The following RIMS2 variants were observed in gnomAD, a reference collection of about 807,000 sequenced individuals.
RIMS2 encodes the protein regulating synaptic membrane exocytosis protein 2.
In RIMS2, 59 loss-of-function variants were observed where a neutral mutation model predicts 174.4. The ratio of observed to expected loss-of-function variants is 0.34; its 90% CI spans 0.27 to 0.42. The LOEUF is 0.42. Ranked by LOEUF, RIMS2 falls within the 10% of genes least tolerant of loss-of-function variation. RIMS2 has a pLI of 1.00. For missense variants in RIMS2, 1,620 were observed against 1,666.3 expected, an observed-to-expected ratio of 0.97 and a Z score of 0.48; for synonymous variants, 606 against 572.5, an observed-to-expected ratio of 1.06 and a Z score of -0.84.
rs554949027 is a variant in RIMS2 at position 103,737,175 on chromosome 8, CTTTTTTTTT to C, written c.388-29034_388-29026del. On this transcript the variant is annotated intron_variant, in intron 2 of 23. Coordinates refer to ENST00000504942, the Ensembl canonical transcript of RIMS2. ...TCCTTTTCTTTTCTTTTTCTTTGTT[CTTTTTTTTT>C]TTTTTTTTTTTTTTTTTGAGACAGA... 5.9e-5 allele frequency among the ~76,000 whole-genome samples: 4 copies of C among 67,528 alleles called. No individual in the cohort carries two copies. The East Asian group carries it at 1.5e-3, about 26-fold the overall frequency. The allele number at this position is 67,528 out of a possible 152,430, so 44.3% of individuals were successfully genotyped here.
chr8:103,828,400 T>C (rs2098804883), intron 3 of RIMS2, among the ~76,000 whole-genome samples: 1 of 152,254 alleles, frequency 6.6e-6, no homozygotes. Context: ...ATGTGTCTGC[T>C]TATGTGCTTT....
intron 1 of RIMS2, among the ~76,000 whole-genome samples, chr8:103,543,822 C>T (rs540732216): frequency 2.4e-4 from 37 of 152,244 alleles, no homozygotes; most frequent in African/African-American, 8.7e-4. Context: ...ACCCTGATGT[C>T]ACACCATGTG....
chr8:103,926,542 G>A (rs1003993050), intron 10 of RIMS2, among the ~76,000 whole-genome samples: 1 of 151,364 alleles, frequency 6.6e-6, no homozygotes, highest in Non-Finnish European at 1.5e-5. Flanking sequence ...CTTTCCTTTG[G>A]GTTTTAGATT....
intron 3 of RIMS2, among the ~76,000 whole-genome samples, chr8:103,783,005 C>A (rs1428243652): frequency 6.6e-5 from 10 of 152,118 alleles, no homozygotes; most frequent in Non-Finnish European, 1.5e-4. Context: ...GATTAGGGTA[C>A]AAGCTAGCTT....
intron 1 of RIMS2, among the ~76,000 whole-genome samples, chr8:103,617,700 G>T (rs1480322424): frequency 6.6e-6 from 1 of 152,140 alleles, no homozygotes; most frequent in Non-Finnish European, 1.5e-5. Context: ...CAAAGAACAT[G>T]ATCAGACACT....
intron 19 of RIMS2, among the ~76,000 whole-genome samples, chr8:104,062,583 A>G (rs1229738199): frequency 6.6e-6 from 1 of 152,196 alleles, no homozygotes; most frequent in East Asian, 1.9e-4. Context: ...AGTATATCTC[A>G]TTGAATCTAG....
intron 2 of RIMS2, among the ~76,000 whole-genome samples, chr8:103,762,535 CAATT>C (rs2098123374): frequency 6.6e-6 from 1 of 152,108 alleles, no homozygotes. Flanking sequence ...ATTTCATAGT[CAATT>C]AATGAAAAAT....
intron 1 of RIMS2, chr8:103,559,201 TCTCTTC>T (rs1488044627): frequency 9.8e-6 from 2 of 203,236 alleles, no homozygotes; most frequent in African/African-American, 2.4e-5. Flanking sequence ...TCTTCTTATT[TCTCTTC>T]CTCTTCCTCC....
intron 13 of RIMS2, among the ~76,000 whole-genome samples, chr8:103,938,423 T>C (rs565634899): frequency 6.6e-6 from 1 of 152,026 alleles, no homozygotes; most frequent in East Asian, 1.9e-4. Flanking sequence ...TTATTCACTA[T>C]GAGGAGAACA....
rs147149359 is a variant in RIMS2, at chr8:103,705,288, T to C, written c.387+7992T>C. ...CCTCTTTTTACTGATTTTGAATTTG[T>C]TCCTTATGGTCAGAAAAGATACCTG... On this transcript the variant is annotated intron_variant, in intron 2 of 23. Transcript: ENST00000504942. Among the ~76,000 whole-genome samples the C allele has an allele frequency of 4.9e-4, 75 of 152,244 alleles. 2 individuals carry two copies. The East Asian group carries it at 0.013, about 27-fold the overall frequency.
chr8:104,036,133 TTTTATTTA>T (rs142714435), intron 19 of RIMS2, among the ~76,000 whole-genome samples: 41,037 of 146,678 alleles, frequency 0.28, 6,668 homozygotes, highest in African/African-American at 0.45. Context: ...ATTTATTTTA[TTTTATTTA>T]TTTATTTATT....
At chr8:103,793,439 T>G (rs1447741640) in intron 3 of RIMS2, among the ~76,000 whole-genome samples, 5 of 152,048 alleles carry the variant, frequency 3.3e-5, no homozygotes, top group Non-Finnish European at 5.9e-5. Context: ...CTCAAAATAA[T>G]AAGAGCTGTT....
At chr8:103,584,771 A>T (rs563613907) in intron 1 of RIMS2, among the ~76,000 whole-genome samples, 12 of 152,318 alleles carry the variant, frequency 7.9e-5, no homozygotes, top group African/African-American at 2.9e-4. Context: ...AAATCATATC[A>T]CCAGAGAAAA....
chr8:103,909,314 T>C (rs1310949957), intron 4 of RIMS2, among the ~76,000 whole-genome samples: 1 of 152,016 alleles, frequency 6.6e-6, no homozygotes, highest in Non-Finnish European at 1.5e-5. Flanking sequence ...AAATTTAAGA[T>C]AAAAATATTT....
intron 3 of RIMS2, among the ~76,000 whole-genome samples, chr8:103,860,884 C>A (rs1013869349): frequency 6.6e-6 from 1 of 151,916 alleles, no homozygotes; most frequent in Non-Finnish European, 1.5e-5. Context: ...GCATTTTATC[C>A]AAGTACAAAT....
chr8:103,693,015 G>C (rs1263124142), intron 1 of RIMS2, among the ~76,000 whole-genome samples: 24 of 152,122 alleles, frequency 1.6e-4, no homozygotes, highest in Admixed American at 1.6e-3. Context: ...GACCCCTTTA[G>C]CTCATGGTGA....
At chr8:103,901,019 A>T (rs1489045267) in intron 4 of RIMS2, among the ~76,000 whole-genome samples, 2 of 151,954 alleles carry the variant, frequency 1.3e-5, no homozygotes, top group African/African-American at 2.4e-5. Context: ...GTGTATCCAT[A>T]CTCTGTGGCT....
intron 2 of RIMS2, among the ~76,000 whole-genome samples, chr8:103,756,233 T>C (rs1278391074): frequency 6.6e-6 from 1 of 152,146 alleles, no homozygotes; most frequent in Non-Finnish European, 1.5e-5. Flanking sequence ...CTCCAGACCC[T>C]GTTTGCCTGG....
intron 17 of RIMS2, among the ~76,000 whole-genome samples, chr8:103,997,662 T>A (rs1231354900): frequency 6.6e-6 from 1 of 151,630 alleles, no homozygotes; most frequent in Non-Finnish European, 1.5e-5. Context: ...CCCAATAAAT[T>A]TAATAAATAC....
Sources: allele counts gnomAD v4.1 joint callset (sites outside exome capture counted in the v4.1 genomes callset), GRCh38; gene constraint gnomAD v4.1.1; transcripts MANE v1.5; gene names NCBI Gene and HGNC (gene_info 2026-07-23, HGNC 2026-07-21).